SPSB4: variants seen among roughly 807,000 people sequenced by gnomAD.
SPSB4 encodes SPRY domain-containing SOCS box protein 4.
SPSB4 carries 21 observed loss-of-function variants against 20.9 expected under a neutral mutation model. The observed-to-expected ratio is 1.01, with a 90% CI of 0.71 to 1.45. The LOEUF (loss-of-function observed/expected upper bound fraction) is 1.45, where lower values mean the gene tolerates loss of function less well. SPSB4 is among the 40% of genes most tolerant of loss of function. The pLI is 0.00. For missense variants in SPSB4, 399 were observed against 399.2 expected (o/e 1.00, Z 0.00); for synonymous variants, 207 against 183.8 (o/e 1.13, Z -1.02).
chr3:141,146,828 T>C (rs1237386304), intron 2 of SPSB4, among the ~76,000 whole-genome samples: 1 of 151,880 alleles, frequency 6.6e-6, no homozygotes, highest in Admixed American at 6.6e-5. Context: ...GAGACAAGGC[T>C]TTCATGAAAC....
At chr3:141,054,887 C>T (rs1282406357) in intron 1 of SPSB4, among the ~76,000 whole-genome samples, 1 of 151,798 alleles carries the variant, frequency 6.6e-6, no homozygotes, top group Non-Finnish European at 1.5e-5. Flanking sequence ...ATGGCATGAA[C>T]CTGGGACGCA....
intron 2 of SPSB4, among the ~76,000 whole-genome samples, chr3:141,114,211 T>G (rs1938850002): frequency 6.6e-6 from 1 of 152,238 alleles, no homozygotes; most frequent in Non-Finnish European, 1.5e-5. Flanking sequence ...TGTGTTCATG[T>G]GGAAAATACC....
At chr3:141,067,745 G>A (rs1937918836) in intron 2 of SPSB4, among the ~76,000 whole-genome samples, 1 of 152,210 alleles carries the variant, frequency 6.6e-6, no homozygotes, top group Non-Finnish European at 1.5e-5. Context: ...TGAGGGGCCA[G>A]GAGCCAGGCA....
chr3:141,082,911 A>G (rs1938266288), intron 2 of SPSB4, among the ~76,000 whole-genome samples: 1 of 148,350 alleles, frequency 6.7e-6, no homozygotes, highest in East Asian at 2.0e-4. Context: ...GAAACGCTCT[A>G]CGCCATCCCT....
intron 2 of SPSB4, among the ~76,000 whole-genome samples, chr3:141,116,191 C>G (rs1559852191): frequency 1.3e-5 from 2 of 152,220 alleles, no homozygotes; most frequent in Admixed American, 6.5e-5. Flanking sequence ...CAGGCTGCTT[C>G]AGGAAGGGGG....
intron 2 of SPSB4, among the ~76,000 whole-genome samples, chr3:141,114,194 G>A (rs1938849712): frequency 6.6e-6 from 1 of 152,196 alleles, no homozygotes; most frequent in African/African-American, 2.4e-5. Context: ...TCAGTCAACA[G>A]GTCAGCTGTG....
At chr3:141,085,129 T>C (rs4683391) in intron 2 of SPSB4, among the ~76,000 whole-genome samples, 17,123 of 152,110 alleles carry the variant, frequency 0.11, 1,087 homozygotes, top group African/African-American at 0.15. Context: ...ATAGAAGGAA[T>C]AGCATGTGGA....
intron 2 of SPSB4, among the ~76,000 whole-genome samples, chr3:141,089,491 GAGA>G (rs1189344588): frequency 6.6e-6 from 1 of 152,182 alleles, no homozygotes; most frequent in Non-Finnish European, 1.5e-5. Context: ...GAGCCTGGAG[GAGA>G]AGGAGGGGCC....
chr3:141,111,354 C>CTTTTT lies in SPSB4; in HGVS notation c.695-35766_695-35762dup, dbSNP rs34223433. ...CCTAATTACTAAACCCTGGAACTTG[C>CTTTTT]TTTTTTTTTTTTTTTTTTTTTTTTT... is the stretch of plus-strand genomic sequence containing the variant. On this transcript the variant is annotated intron_variant, in intron 2 of 2. Coordinates refer to ENST00000310546, the MANE Select transcript of SPSB4 (RefSeq NM_080862.3). 4.0e-4 allele frequency among the ~76,000 whole-genome samples: 25 copies of CTTTTT among 61,808 alleles called. 3 individuals carry two copies. Among genetic ancestry groups the CTTTTT allele is most frequent in the African/African-American group, 5.3e-4 (8 of 15,108 alleles). 40.5% of individuals were successfully genotyped at this position (61,808 alleles called of 152,430 possible). A position where few individuals can be genotyped will look rare whatever the true frequency, so the allele number is the denominator to read the frequency against.
At chr3:141,132,072 T>C (rs907862129) in intron 2 of SPSB4, 1 of 218,036 alleles carries the variant, frequency 4.6e-6, no homozygotes. Flanking sequence ...AAGTCTTTAG[T>C]GGTGATTTAT....
intron 2 of SPSB4, among the ~76,000 whole-genome samples, chr3:141,105,550 G>C (rs1378335020): frequency 6.6e-6 from 1 of 152,286 alleles, no homozygotes. Flanking sequence ...CAGCAGCCCT[G>C]TCTGGCGTAG....
At chr3:141,102,165 C>T (rs1225143725) in intron 2 of SPSB4, among the ~76,000 whole-genome samples, 3 of 152,086 alleles carry the variant, frequency 2.0e-5, no homozygotes, top group South Asian at 2.1e-4. Context: ...TGAGAGGGCT[C>T]GGGGTCTGGG....
intron 2 of SPSB4, among the ~76,000 whole-genome samples, chr3:141,114,118 T>G (rs1261695559): frequency 1.3e-5 from 2 of 152,222 alleles, no homozygotes; most frequent in Non-Finnish European, 2.9e-5. Context: ...TAATTTCATG[T>G]TATGTAAACT....
At chr3:141,109,166 G>A (rs548769759) in intron 2 of SPSB4, among the ~76,000 whole-genome samples, 4 of 152,174 alleles carry the variant, frequency 2.6e-5, no homozygotes, top group South Asian at 2.1e-4. Context: ...AGAGGCAACC[G>A]ATGCTGTCAG....
intron 2 of SPSB4, among the ~76,000 whole-genome samples, chr3:141,122,927 G>A (rs1237161341): frequency 1.2e-4 from 19 of 152,180 alleles, no homozygotes; most frequent in African/African-American, 3.1e-4. Context: ...TCCTGCTTCC[G>A]CTTGCCCTCC....
intron 2 of SPSB4, among the ~76,000 whole-genome samples, chr3:141,079,264 C>CA (rs112482116): frequency 0.13 from 15,835 of 121,894 alleles, 2,870 homozygotes; most frequent in African/African-American, 0.42. Flanking sequence ...GACTCCATCT[C>CA]AAAAAAAAAA....
chr3:141,066,563 C>G lies in SPSB4; in HGVS notation c.459C>G (p.Gly153=), dbSNP rs1301459896. ...GCCGCAGCCGCCTCTACCACGACGG[C>G]AAGAACCAGCCCGGCGTGGCCTACC... ...DLGRSRLYHD[G]KNQPGVAYPA... The change falls in exon 2 of 3, where the codon GGC becomes GGG. Residue 153 remains glycine (G), a synonymous_variant. Coordinates refer to ENST00000310546, the MANE Select transcript of SPSB4 (RefSeq NM_080862.3). The G allele has an allele frequency of 8.5e-6, 13 of 1,538,448 alleles. No individual in the cohort carries two copies. Among genetic ancestry groups the G allele is most frequent in the Non-Finnish European group, 1.1e-5 (12 of 1,142,218 alleles).
At chr3:141,080,048 AAAGT>A (rs1450393579) in intron 2 of SPSB4, among the ~76,000 whole-genome samples, 2 of 152,238 alleles carry the variant, frequency 1.3e-5, no homozygotes, top group Non-Finnish European at 2.9e-5. Context: ...TCATTTTAAA[AAAGT>A]AATTCTTACT....
intron 2 of SPSB4, among the ~76,000 whole-genome samples, chr3:141,128,553 G>A: frequency 6.6e-6 from 1 of 152,196 alleles, no homozygotes; most frequent in Non-Finnish European, 1.5e-5. Context: ...CTCCAGGCCT[G>A]AGTGAGCACG....
Sources: gnomAD v4.1 joint callset for allele counts (sites outside exome capture counted in the v4.1 genomes callset) on GRCh38, gnomAD v4.1.1 for gene constraint, MANE v1.5 for transcripts, NCBI Gene and HGNC (gene_info 2026-07-23, HGNC 2026-07-21) for gene names.